The following HIVEP3 variants were observed in gnomAD, a reference collection of about 807,000 sequenced individuals.
HIVEP3 encodes the protein transcription factor HIVEP3.
Under a neutral mutation model 152.8 loss-of-function variants are expected in HIVEP3, and 49 were observed. The ratio of observed to expected loss-of-function variants is 0.32; its 90% confidence interval spans 0.26 to 0.41. The LOEUF is 0.41. Among genes scored for constraint, HIVEP3 ranks in the 10% least tolerant of loss-of-function variants. The pLI, the probability that HIVEP3 is intolerant of heterozygous loss-of-function variation, is 1.00. For missense variants in HIVEP3, 2,790 were observed against 3,103.3 expected (o/e 0.90, Z 2.40); for synonymous variants, 1,269 against 1,289.0 (o/e 0.98, Z 0.33).
intron 3 of HIVEP3, among the ~76,000 whole-genome samples, chr1:41,627,718 A>G (rs1371170882): frequency 3.3e-5 from 5 of 152,066 alleles, no homozygotes. Flanking sequence ...TGCCTTGGAA[A>G]TCTCAGCTGG....
intron 1 of HIVEP3, among the ~76,000 whole-genome samples, chr1:41,935,937 T>C (rs1645018115): frequency 6.6e-6 from 1 of 151,898 alleles, no homozygotes. Context: ...CAGCTACCAC[T>C]AAATCTTCAG....
chr1:41,810,481 C>A (rs1465264440), intron 1 of HIVEP3, among the ~76,000 whole-genome samples: 10 of 152,316 alleles, frequency 6.6e-5, no homozygotes, highest in Admixed American at 2.6e-4. Flanking sequence ...GCCCCCCATC[C>A]ACCATCTCCT....
intron 1 of HIVEP3, among the ~76,000 whole-genome samples, chr1:41,775,112 C>T (rs531984069): frequency 6.8e-4 from 104 of 152,086 alleles, no homozygotes; most frequent in African/African-American, 2.1e-3. Context: ...CACAAGTATC[C>T]TTATTTACTA....
At chr1:41,668,285 A>T (rs1186029994) in intron 2 of HIVEP3, among the ~76,000 whole-genome samples, 1 of 152,246 alleles carries the variant, frequency 6.6e-6, no homozygotes, top group Non-Finnish European at 1.5e-5. Flanking sequence ...ACAACAGTGG[A>T]TGAAAGCAGT....
At chr1:41,902,667 C>T (rs1644645014) in intron 1 of HIVEP3, among the ~76,000 whole-genome samples, 2 of 152,130 alleles carry the variant, frequency 1.3e-5, no homozygotes, top group South Asian at 2.1e-4. Context: ...CAGAAGTGGC[C>T]GAAGTGATCC....
At position 42,026,909 on chromosome 1, in the gene HIVEP3, G is replaced by A. The variant is rs116636842; in HGVS notation, n.119+8898C>T. Among the ~76,000 whole-genome samples, 686 of 152,262 alleles carry A rather than the reference G, an allele frequency of 4.5e-3. 6 individuals carry two copies. The highest frequency in any genetic ancestry group is 0.016 in the African/African-American group (667 of 41,546). On this transcript the variant is annotated intron_variant and non_coding_transcript_variant, in intron 1 of 3. Transcript: ENST00000489103. ...GCATGACTTTTCCAGTACTTTCCAA[G>A]ATCTACTATCTCTGGGCTCTCTCAC...
chr1:41,620,190 C>T (rs999682605), intron 3 of HIVEP3, among the ~76,000 whole-genome samples: 1 of 152,214 alleles, frequency 6.6e-6, no homozygotes, highest in African/African-American at 2.4e-5. Flanking sequence ...CAGGGCTTGT[C>T]CTGACAGGTG....
At chr1:42,027,970 G>A (rs1474377599) in intron 1 of HIVEP3, among the ~76,000 whole-genome samples, 1 of 152,118 alleles carries the variant, frequency 6.6e-6, no homozygotes, top group Non-Finnish European at 1.5e-5. Flanking sequence ...TGGGGACACA[G>A]CCAAACCATA....
chr1:41,971,720 T>G (rs1645230599), intron 1 of HIVEP3, among the ~76,000 whole-genome samples: 1 of 152,236 alleles, frequency 6.6e-6, no homozygotes, highest in Non-Finnish European at 1.5e-5. Flanking sequence ...ATAATCCTTC[T>G]CTAACCTATG....
intron 1 of HIVEP3, among the ~76,000 whole-genome samples, chr1:41,722,245 G>A (rs1226413186): frequency 2.0e-5 from 3 of 152,100 alleles, no homozygotes; most frequent in Non-Finnish European, 4.4e-5. Context: ...TGGAGTCCTT[G>A]TTCCACCTCC....
At chr1:41,672,483 A>G (rs1016754375) in intron 2 of HIVEP3, among the ~76,000 whole-genome samples, 1 of 152,022 alleles carries the variant, frequency 6.6e-6, no homozygotes, top group Non-Finnish European at 1.5e-5. Flanking sequence ...GCCTCTCCCT[A>G]CCTTTCTGTT....
chr1:41,886,749 A>G (rs915226964), intron 1 of HIVEP3, among the ~76,000 whole-genome samples: 2 of 151,406 alleles, frequency 1.3e-5, no homozygotes, highest in Non-Finnish European at 1.5e-5. Flanking sequence ...GAAGGAAAAG[A>G]AAAGAAAAAA....
chr1:41,508,337 A>T lies in HIVEP3; in HGVS notation c.*2114T>A, dbSNP rs1644404987. 6.6e-6 allele frequency: 1 copy of T among 152,284 alleles called. No homozygotes were observed. Among genetic ancestry groups the T allele is most frequent in the Non-Finnish European group, 1.5e-5 (1 of 68,108 alleles). The allele number at this position is 152,284 out of a possible 1,614,324, so 9.4% of individuals were successfully genotyped here. A position where few individuals can be genotyped will look rare whatever the true frequency, so the allele number is the denominator to read the frequency against. On this transcript the variant is annotated 3_prime_UTR_variant, in exon 9 of 9. Coordinates refer to ENST00000372583, the MANE Select transcript of HIVEP3 (RefSeq NM_024503.5). Reference sequence around the variant, plus strand: ...GGGTTAGGGCTGAAAGGCAAGGATGAGAAAAGCCCTGGCCTCCTGGGACTT... The same window carrying T: ...GGGTTAGGGCTGAAAGGCAAGGATGTGAAAAGCCCTGGCCTCCTGGGACTT...
At chr1:42,005,001 G>A (rs1250681138) in intron 1 of HIVEP3, among the ~76,000 whole-genome samples, 2 of 152,152 alleles carry the variant, frequency 1.3e-5, no homozygotes, top group African/African-American at 2.4e-5. Flanking sequence ...TTTCAGAGGG[G>A]ACAGGAAATC....
chr1:41,975,952 A>C (rs1645256822), intron 1 of HIVEP3, among the ~76,000 whole-genome samples: 4 of 152,352 alleles, frequency 2.6e-5, no homozygotes. Flanking sequence ...AAGAACACCC[A>C]GCCAGCACTT....
chr1:41,995,244 C>CA (rs1405550751), intron 1 of HIVEP3, among the ~76,000 whole-genome samples: 1 of 151,924 alleles, frequency 6.6e-6, no homozygotes, highest in Admixed American at 6.6e-5. Flanking sequence ...AGAATTATGA[C>CA]AAAAGTAACA....
intron 2 of HIVEP3, among the ~76,000 whole-genome samples, chr1:41,635,030 T>A (rs1645248633): frequency 2.0e-5 from 3 of 152,210 alleles, no homozygotes; most frequent in Non-Finnish European, 4.4e-5. Context: ...TTTTCTCAAA[T>A]GTCCCTGTAC....
chr1:41,658,696 C>A (rs1645666890), intron 2 of HIVEP3, among the ~76,000 whole-genome samples: 1 of 152,200 alleles, frequency 6.6e-6, no homozygotes. Flanking sequence ...GCAGTGTCTG[C>A]ACTCTTTCCA....
chr1:41,952,161 T>A (rs1285877748), intron 1 of HIVEP3, among the ~76,000 whole-genome samples: 2 of 152,174 alleles, frequency 1.3e-5, no homozygotes, highest in Non-Finnish European at 2.9e-5. Context: ...AATTTGGATT[T>A]TGCAACAGAG....
Sources: allele counts gnomAD v4.1 joint callset (sites outside exome capture counted in the v4.1 genomes callset), GRCh38; gene constraint gnomAD v4.1.1; transcripts MANE v1.5; gene names NCBI Gene and HGNC (gene_info 2026-07-23, HGNC 2026-07-21).